COL25A1: variants seen among roughly 807,000 people sequenced by gnomAD.
COL25A1 encodes collagen type XXV alpha 1 chain.
In COL25A1, 103 loss-of-function variants were observed where a neutral mutation model predicts 128.4. The observed-to-expected ratio is 0.80, with a 90% CI of 0.68 to 0.94. The LOEUF is 0.94. Ranked by LOEUF, COL25A1 falls within the 40% of genes least tolerant of loss-of-function variation. The pLI is 0.00. For missense variants in COL25A1, 745 were observed against 840.0 expected (o/e 0.89, Z 1.40); for synonymous variants, 279 against 277.2 (o/e 1.01, Z -0.06).
chr4:109,152,000 A>C (rs1282094211), intron 3 of COL25A1, among the ~76,000 whole-genome samples: 1 of 152,214 alleles, frequency 6.6e-6, no homozygotes, highest in South Asian at 2.1e-4. Context: ...TTTCCTAATG[A>C]TGTTCCTAGA....
At chr4:109,261,799 G>A (rs971379509) in intron 3 of COL25A1, among the ~76,000 whole-genome samples, 2 of 151,348 alleles carry the variant, frequency 1.3e-5, no homozygotes, top group East Asian at 2.0e-4. Flanking sequence ...CCAGGTTCAC[G>A]CCATTCTCCT....
chr4:108,889,105 G>T, intron 18 of COL25A1, 116 bp downstream of exon 18: 1 of 993,742 alleles, frequency 1.0e-6, no homozygotes, highest in Non-Finnish European at 1.5e-6. Context: ...ACTCTGTAAT[G>T]CAAAACATGA....
chr4:108,981,659 C>G (rs1214752741), intron 6 of COL25A1, among the ~76,000 whole-genome samples: 1 of 152,124 alleles, frequency 6.6e-6, no homozygotes, highest in Non-Finnish European at 1.5e-5. Flanking sequence ...GATTGAAATC[C>G]TGGCTACAAT....
At chr4:108,923,675 T>A (rs183504544) in intron 11 of COL25A1, among the ~76,000 whole-genome samples, 1 of 151,574 alleles carries the variant, frequency 6.6e-6, no homozygotes, top group East Asian at 1.9e-4. Flanking sequence ...TTGTTTAGAT[T>A]TTCATCCTGC....
intron 3 of COL25A1, among the ~76,000 whole-genome samples, chr4:109,212,954 GA>G (rs1298751100): frequency 6.6e-6 from 1 of 152,072 alleles, no homozygotes; most frequent in Non-Finnish European, 1.5e-5. Context: ...ATATATAGGA[GA>G]AATATTTGCT....
At chr4:109,122,090 C>G (rs1457856232) in intron 3 of COL25A1, among the ~76,000 whole-genome samples, 1 of 151,958 alleles carries the variant, frequency 6.6e-6, no homozygotes, top group African/African-American at 2.4e-5. Flanking sequence ...ATGGAGACAG[C>G]AAAAAGATTA....
intron 3 of COL25A1, among the ~76,000 whole-genome samples, chr4:109,181,021 G>A (rs2126145000): frequency 6.6e-6 from 1 of 152,268 alleles, no homozygotes; most frequent in Non-Finnish European, 1.5e-5. Context: ...AGACATTTGT[G>A]GAGGTCTGCA....
chr4:109,230,865 G>A (rs1779117531), intron 3 of COL25A1, among the ~76,000 whole-genome samples: 1 of 152,176 alleles, frequency 6.6e-6, no homozygotes, highest in African/African-American at 2.4e-5. Context: ...TTAAGGCCGG[G>A]CGCAGCGGCT....
In COL25A1 at chr4:109,084,629, T is replaced by C. The variant is rs182128420; in HGVS notation, c.368-34450A>G. On this transcript the variant is annotated intron_variant, in intron 3 of 37. Transcript: ENST00000399132. ...GAGAATTTATTCTTGTATGTTATTA[T>C]ACAAGCAATGCTATAGCAAGAACCA... 3.3e-5 allele frequency among the ~76,000 whole-genome samples: 5 copies of C among 152,348 alleles called. No homozygotes were observed. In the East Asian group the frequency reaches 9.7e-4, roughly 29 times the overall value.
At chr4:109,083,448 A>AAATGTT (rs377354398) in intron 3 of COL25A1, among the ~76,000 whole-genome samples, 1 of 77,010 alleles carries the variant, frequency 1.3e-5, no homozygotes, top group African/African-American at 4.8e-5. Context: ...CACTAAATAA[A>AAATGTT]TTTTTTTTTT....
At chr4:108,897,999 A>T (rs1341282053) in intron 15 of COL25A1, among the ~76,000 whole-genome samples, 2 of 152,138 alleles carry the variant, frequency 1.3e-5, no homozygotes, top group Non-Finnish European at 2.9e-5. Context: ...TCACCCAGTG[A>T]CTAATTAATT....
At chr4:108,817,350 G>C (rs1731336123) in intron 37 of COL25A1, 47 bp downstream of exon 37, 1 of 1,584,180 alleles carries the variant, frequency 6.3e-7, no homozygotes, top group African/African-American at 1.3e-5. Flanking sequence ...TCCAGGTTAA[G>C]AGAAAGGGAG....
chr4:108,837,164 T>G (rs1733908226), intron 31 of COL25A1, among the ~76,000 whole-genome samples: 1 of 152,218 alleles, frequency 6.6e-6, no homozygotes, highest in Non-Finnish European at 1.5e-5. Flanking sequence ...GACCATCATA[T>G]GGTGGATGTA....
intron 11 of COL25A1, 136 bp downstream of exon 11, chr4:108,937,672 A>G (rs1747595059): frequency 1.6e-6 from 1 of 633,016 alleles, no homozygotes; most frequent in Non-Finnish European, 2.7e-6. Context: ...AGTAGGCCAT[A>G]TTACTTTTAA....
At chr4:109,006,378 A>ATTTTTTTTTTTTTTTTTTTTTTTTTTTTT (rs56845799) in intron 6 of COL25A1, among the ~76,000 whole-genome samples, 3 of 51,840 alleles carry the variant, frequency 5.8e-5, no homozygotes, top group East Asian at 8.6e-4. Flanking sequence ...CACCCAGCTA[A>ATTTTTTTTTTTTTTTTTTTTTTTTTTTTT]TTTTTTTTTT....
intron 3 of COL25A1, among the ~76,000 whole-genome samples, chr4:109,267,261 C>A (rs1397063844): frequency 1.3e-5 from 2 of 152,088 alleles, no homozygotes; most frequent in African/African-American, 2.4e-5. Context: ...ACTGCAAATT[C>A]TCATTCCCAT....
At chr4:109,197,633 G>A (rs1035245237) in intron 3 of COL25A1, among the ~76,000 whole-genome samples, 6 of 149,398 alleles carry the variant, frequency 4.0e-5, no homozygotes, top group Non-Finnish European at 5.9e-5. Context: ...TTAAAAGCCT[G>A]TAACTTATTT....
chr4:108,891,486 A>G (rs976441792), intron 16 of COL25A1, among the ~76,000 whole-genome samples: 18 of 152,210 alleles, frequency 1.2e-4, no homozygotes, highest in African/African-American at 4.3e-4. Flanking sequence ...GAAAGCCATC[A>G]GTACCAATGA....
intron 27 of COL25A1, among the ~76,000 whole-genome samples, chr4:108,847,467 C>T (rs1735249065): frequency 6.6e-6 from 1 of 151,712 alleles, no homozygotes; most frequent in South Asian, 2.1e-4. Context: ...AAGTAGGTGC[C>T]TGAATGAATA....
Sources: gnomAD v4.1 joint callset for allele counts (sites outside exome capture counted in the v4.1 genomes callset) on GRCh38, gnomAD v4.1.1 for gene constraint, MANE v1.5 for transcripts, NCBI Gene and HGNC (gene_info 2026-07-23, HGNC 2026-07-21) for gene names.